GALNTL6: variants seen among roughly 807,000 people sequenced by gnomAD.
The protein encoded by GALNTL6 is polypeptide N-acetylgalactosaminyltransferase like 6.
Under a neutral mutation model 73.7 loss-of-function variants are expected in GALNTL6, and 46 were observed. That is an observed-to-expected ratio of 0.62 (90% CI 0.49 to 0.80). The LOEUF (loss-of-function observed/expected upper bound fraction) is 0.80, where lower values mean the gene tolerates loss of function less well. Among genes scored for constraint, GALNTL6 ranks in the 30% least tolerant of loss-of-function variants. GALNTL6 has a pLI of 0.00. For synonymous variants in GALNTL6, 259 were observed against 263.7 expected (o/e 0.98, Z 0.17); for missense variants, 604 against 755.0 (o/e 0.80, Z 2.34).
chr4:172,424,545 G>A (rs1304223137), intron 5 of GALNTL6, among the ~76,000 whole-genome samples: 1 of 152,162 alleles, frequency 6.6e-6, no homozygotes, highest in East Asian at 1.9e-4. Flanking sequence ...TAATAGAAAT[G>A]TGTTTCTAAC....
At chr4:172,379,709 G>T (rs1743202478) in intron 5 of GALNTL6, among the ~76,000 whole-genome samples, 2 of 151,580 alleles carry the variant, frequency 1.3e-5, no homozygotes, top group African/African-American at 4.9e-5. Context: ...CGCCCCTGGA[G>T]CTAACCTGAC....
At chr4:172,875,458 A>G (rs1022350599) in intron 7 of GALNTL6, among the ~76,000 whole-genome samples, 2 of 152,216 alleles carry the variant, frequency 1.3e-5, no homozygotes, top group African/African-American at 4.8e-5. Context: ...AGAAATGGAC[A>G]GGAAATGACT....
chr4:172,660,831 T>A (rs1452253535), intron 5 of GALNTL6, among the ~76,000 whole-genome samples: 1 of 152,182 alleles, frequency 6.6e-6, no homozygotes, highest in African/African-American at 2.4e-5. Flanking sequence ...AGAAGGTAAT[T>A]AAGTTACCCT....
At chr4:172,106,951 G>T (rs113362817) in intron 2 of GALNTL6, among the ~76,000 whole-genome samples, 1 of 152,172 alleles carries the variant, frequency 6.6e-6, no homozygotes, top group South Asian at 2.1e-4. Context: ...TTGGCTCACC[G>T]CAACCTTTGC....
At chr4:172,622,545 G>T (rs1049143591) in intron 5 of GALNTL6, among the ~76,000 whole-genome samples, 1 of 152,172 alleles carries the variant, frequency 6.6e-6, no homozygotes, top group African/African-American at 2.4e-5. Context: ...ATGGAAAGGT[G>T]AAGACATTTT....
rs796425442 is a variant in GALNTL6, at chr4:172,226,614, T to TGTGC, written c.139-3039_139-3038insCGTG. Among the ~76,000 whole-genome samples the TGTGC allele has an allele frequency of 4.3e-3, 646 of 151,490 alleles. 7 individuals are homozygous for TGTGC. Among genetic ancestry groups the TGTGC allele is most frequent in the African/African-American group, 0.015 (619 of 41,300 alleles). On this transcript the variant is annotated intron_variant, in intron 2 of 12. Coordinates refer to ENST00000506823, the MANE Select transcript of GALNTL6 (RefSeq NM_001034845.3). The stretch of plus-strand genomic sequence containing the variant: ...CTGTGTGTGTGTGTTTCTGTGTGTG[T>TGTGC]GTGTGTTTTCCCACAGAGACATCCT...
intron 2 of GALNTL6, among the ~76,000 whole-genome samples, chr4:171,835,898 TAAA>T (rs769075596): frequency 1.3e-5 from 2 of 151,914 alleles, no homozygotes; most frequent in African/African-American, 4.8e-5. Flanking sequence ...TAAACAAAAA[TAAA>T]AAAATATTTT....
chr4:172,264,315 T>A (rs34299210), intron 3 of GALNTL6, among the ~76,000 whole-genome samples: 166 of 151,090 alleles, frequency 1.1e-3, no homozygotes, highest in African/African-American at 3.8e-3. Flanking sequence ...TGATGTCTCA[T>A]ATGCTGTTTA....
chr4:172,153,680 A>G (rs1299151819), intron 2 of GALNTL6, among the ~76,000 whole-genome samples: 2 of 152,222 alleles, frequency 1.3e-5, no homozygotes, highest in Non-Finnish European at 2.9e-5. Flanking sequence ...TCTACTAGAT[A>G]TTGTTCTCAC....
intron 5 of GALNTL6, among the ~76,000 whole-genome samples, chr4:172,641,004 G>T (rs1739947915): frequency 1.3e-5 from 2 of 151,928 alleles, no homozygotes; most frequent in African/African-American, 2.4e-5. Flanking sequence ...ATCCTTTCGT[G>T]ATCCTGGTCA....
chr4:172,480,247 A>C (rs1305022664), intron 5 of GALNTL6, among the ~76,000 whole-genome samples: 1 of 151,956 alleles, frequency 6.6e-6, no homozygotes, highest in Admixed American at 6.6e-5. Flanking sequence ...TAGGAGTTCG[A>C]GGTTGCCATG....
intron 2 of GALNTL6, among the ~76,000 whole-genome samples, chr4:171,923,649 A>G (rs1737870188): frequency 2.0e-5 from 3 of 147,614 alleles, no homozygotes; most frequent in South Asian, 4.3e-4. Context: ...CTTGTGATCC[A>G]CCCGCCTTGG....
chr4:172,210,347 C>T (rs376927555), intron 2 of GALNTL6, among the ~76,000 whole-genome samples: 69 of 152,088 alleles, frequency 4.5e-4, no homozygotes, highest in African/African-American at 1.6e-3. Context: ...TTAGTTTTTA[C>T]CTAGTGTCCT....
intron 5 of GALNTL6, among the ~76,000 whole-genome samples, chr4:172,628,230 T>C (rs112788753): frequency 6.6e-5 from 10 of 152,302 alleles, no homozygotes; most frequent in African/African-American, 2.2e-4. Context: ...ATCAGTATTC[T>C]TTTATATGTA....
intron 5 of GALNTL6, among the ~76,000 whole-genome samples, chr4:172,378,597 A>T (rs981312283): frequency 5.3e-4 from 80 of 151,916 alleles, no homozygotes; most frequent in African/African-American, 1.1e-3. Flanking sequence ...GTTGTTTTTT[A>T]AAAAAAATTG....
At position 173,009,026 on chromosome 4, in the gene GALNTL6, T is replaced by G. The variant is rs1485831231; in HGVS notation, c.1372-152T>G. 3 of 625,794 alleles carry G rather than the reference T, an allele frequency of 4.8e-6. No homozygotes were observed. The African/African-American group carries it at 5.5e-5, about 11-fold the overall frequency. 38.8% of individuals were successfully genotyped at this position (625,794 alleles called of 1,614,324 possible). On this transcript the variant is annotated intron_variant, in intron 10 of 12. Coordinates refer to ENST00000506823, the MANE Select transcript of GALNTL6 (RefSeq NM_001034845.3). ...GTTACATTTAATTCCTTGATTTTTCTCCATAAATTGCATACAAATTCAAGG... is the reference window on the plus strand; with the variant it reads ...GTTACATTTAATTCCTTGATTTTTCGCCATAAATTGCATACAAATTCAAGG...
In GALNTL6 at chr4:172,552,837, T is replaced by TAAAAAAAAAAAAAAAA. The variant is rs397933315; in HGVS notation, c.553+204153_553+204168dup. 1.8e-3 allele frequency among the ~76,000 whole-genome samples: 147 copies of TAAAAAAAAAAAAAAAA among 80,376 alleles called. 3 individuals carry two copies. Among genetic ancestry groups the TAAAAAAAAAAAAAAAA allele is most frequent in the African/African-American group, 4.3e-3 (73 of 16,988 alleles). 52.7% of individuals were successfully genotyped at this position (80,376 alleles called of 152,430 possible). A position where few individuals can be genotyped will look rare whatever the true frequency, so the allele number is the denominator to read the frequency against. ...TAGGCTGGTGCAAAAGTAATTGCAG[T>TAAAAAAAAAAAAAAAA]AAAAAAAAAAAAAAAAAAAAGGTAA... is the stretch of plus-strand genomic sequence containing the variant. On this transcript the variant is annotated intron_variant, in intron 5 of 12. Coordinates refer to ENST00000506823, the MANE Select transcript of GALNTL6 (RefSeq NM_001034845.3).
intron 2 of GALNTL6, among the ~76,000 whole-genome samples, chr4:171,818,647 C>T (rs974814852): frequency 6.7e-6 from 1 of 149,420 alleles, no homozygotes; most frequent in African/African-American, 2.5e-5. Context: ...ATTTGAATTT[C>T]AGAATTTCTA....
At position 172,548,125 on chromosome 4, in the gene GALNTL6, T is replaced by A. The variant is rs138989811; in HGVS notation, c.553+199436T>A. ...CGGAGAAGGTTCTATAAATTAATGG[T>A]GTGGGTTTTTGGGTTTTGGTTTTAG... On this transcript the variant is annotated intron_variant, in intron 5 of 12. Transcript: ENST00000506823. Among the ~76,000 whole-genome samples the A allele has an allele frequency of 8.8e-4, 133 of 151,856 alleles. 2 individuals are homozygous for A. The South Asian group carries it at 0.018, about 20-fold the overall frequency.
Sources: allele counts gnomAD v4.1 joint callset (sites outside exome capture counted in the v4.1 genomes callset), GRCh38; gene constraint gnomAD v4.1.1; transcripts MANE v1.5; gene names NCBI Gene and HGNC (gene_info 2026-07-23, HGNC 2026-07-21).